UNC45B: variants seen among roughly 807,000 people sequenced by gnomAD.
UNC45B encodes the protein unc-45 myosin chaperone B, also known as protein unc-45 homolog B.
Under a neutral mutation model 98.7 loss-of-function variants are expected in UNC45B, and 78 were observed. That is an observed-to-expected ratio of 0.79 (90% CI 0.66 to 0.95). The LOEUF (loss-of-function observed/expected upper bound fraction) is 0.95. Among genes scored for constraint, UNC45B ranks in the 40% least tolerant of loss-of-function variants. The pLI is 0.00. For synonymous variants in UNC45B, 462 were observed against 480.4 expected, an observed-to-expected ratio of 0.96 and a Z score of 0.50; for missense variants, 1,225 against 1,184.9, an observed-to-expected ratio of 1.03 and a Z score of -0.50.
In UNC45B at chr17:35,154,757, T is replaced by C; in HGVS notation, c.639+16T>C. ...CCAAGCCAGAGTAAGTGCCCGGCTGTGGGGCATGTGGAGCAGACGACTGCT... is the reference window on the plus strand; with the variant it reads ...CCAAGCCAGAGTAAGTGCCCGGCTGCGGGGCATGTGGAGCAGACGACTGCT... On this transcript the variant is annotated intron_variant, in intron 6 of 19. Coordinates refer to ENST00000394570, the MANE Select transcript of UNC45B (RefSeq NM_001267052.2). 6.4e-7 allele frequency: 1 copy of C among 1,561,582 alleles called. No homozygotes were observed. The highest frequency in any genetic ancestry group is 8.6e-7 in the Non-Finnish European group (1 of 1,159,988).
At chr17:35,177,826 T>G (rs1355322894) in intron 17 of UNC45B, among the ~76,000 whole-genome samples, 5 of 150,640 alleles carry the variant, frequency 3.3e-5, no homozygotes, top group African/African-American at 1.2e-4. Flanking sequence ...TTTTCTTTCC[T>G]TTTCTTTTCT....
At chr17:35,173,089 G>T (rs2092199427) in intron 13 of UNC45B, among the ~76,000 whole-genome samples, 1 of 151,048 alleles carries the variant, frequency 6.6e-6, no homozygotes, top group East Asian at 2.0e-4. Flanking sequence ...AGAACACATT[G>T]CCACACGCAC....
Position 35,183,809 on chromosome 17 carries a change from G to A in UNC45B, c.2529+227G>A, listed in dbSNP as rs114578230. ...TGCTAGCTCAAACCCTCCCACTGGA[G>A]TTTCACCCATTACCTTTAGTGGTGC... On this transcript the variant is annotated intron_variant, in intron 19 of 19. Coordinates refer to ENST00000394570, the MANE Select transcript of UNC45B (RefSeq NM_001267052.2). 8.9e-3 allele frequency among the ~76,000 whole-genome samples: 1,356 copies of A among 152,330 alleles called. 25 individuals are homozygous for A. The highest frequency in any genetic ancestry group is 0.03 in the African/African-American group (1,259 of 41,586).
At chr17:35,162,099 T>C (rs1305775961) in intron 8 of UNC45B, among the ~76,000 whole-genome samples, 1 of 152,164 alleles carries the variant, frequency 6.6e-6, no homozygotes, top group Admixed American at 6.5e-5. Flanking sequence ...GTTTAAATAA[T>C]AAATTGGTAA....
Position 35,186,404 on chromosome 17 carries a change from G to A in UNC45B, c.2635G>A (p.Glu879Lys). ...CTACAACCTACTGGCAGCCGATGCT[G>A]AGCTGGCCAAGAAGCTGGTGGAGAG... is the stretch of plus-strand genomic sequence containing the variant. ...IAYNLLAADA[E>K]LAKKLVESEL... Residue 879 changes from glutamate to lysine, a missense_variant, in exon 20 of 20, where the codon GAG becomes AAG. Transcript: ENST00000394570. 6 of 1,614,236 alleles carry A rather than the reference G, an allele frequency of 3.7e-6. No homozygotes were observed. Among genetic ancestry groups the A allele is most frequent in the Non-Finnish European group, 5.1e-6 (6 of 1,180,040 alleles).
chr17:35,157,620 A>C (rs2092073123), intron 7 of UNC45B, among the ~76,000 whole-genome samples: 1 of 152,224 alleles, frequency 6.6e-6, no homozygotes, highest in African/African-American at 2.4e-5. Flanking sequence ...GAGAGGCTGC[A>C]TCAATTTATA....
chr17:35,181,204 A>T (rs918793185), intron 18 of UNC45B, among the ~76,000 whole-genome samples: 1 of 152,260 alleles, frequency 6.6e-6, no homozygotes, highest in Non-Finnish European at 1.5e-5. Context: ...TTATAAAAAT[A>T]AAATGAATTC....
At chr17:35,170,043 C>A in intron 11 of UNC45B, 71 bp from the exon 12 acceptor site, 1 of 1,602,046 alleles carries the variant, frequency 6.2e-7, no homozygotes. Context: ...TGGTTCACCA[C>A]CCTGAAATCG....
intron 9 of UNC45B, among the ~76,000 whole-genome samples, chr17:35,167,168 C>G (rs1015384406): frequency 1.3e-5 from 2 of 152,224 alleles, no homozygotes; most frequent in African/African-American, 2.4e-5. Context: ...GGGCATCACG[C>G]TAGGCCTTTT....
chr17:35,155,481 A>C lies in UNC45B; in HGVS notation c.808+17A>C, dbSNP rs751156782. 6.2e-7 allele frequency: 1 copy of C among 1,612,158 alleles called. No individual in the cohort carries two copies. Among genetic ancestry groups the C allele is most frequent in the Non-Finnish European group, 8.5e-7 (1 of 1,178,678 alleles). The stretch of plus-strand genomic sequence containing the variant: ...TGGTTCTAGGTAGGAAACATTCTTC[A>C]GTTTTGATTCAAGGGGATGGGGAAA... On this transcript the variant is annotated intron_variant, in intron 7 of 19. Transcript: ENST00000394570.
chr17:35,185,647 A>C (rs1221307411), intron 19 of UNC45B, among the ~76,000 whole-genome samples: 1 of 151,872 alleles, frequency 6.6e-6, no homozygotes, highest in East Asian at 1.9e-4. Context: ...CCCTGCATCC[A>C]CTTCTACTTG....
intron 17 of UNC45B, 95 bp downstream of exon 17, chr17:35,177,705 A>C (rs2092244997): frequency 1.0e-6 from 1 of 967,280 alleles, no homozygotes; most frequent in Non-Finnish European, 1.6e-6. Context: ...TCTTCTCTGA[A>C]GACAACACAA....
At position 35,186,617 on chromosome 17, in the gene UNC45B, T is replaced by C. The variant is rs769727112; in HGVS notation, c.*58T>C. 68 of 1,584,244 alleles carry C rather than the reference T, an allele frequency of 4.3e-5. No homozygotes were observed. The Middle Eastern group carries it at 6.7e-4, about 16-fold the overall frequency. ...TGTACTGTGCAGAGTCCTGGGTTGG[T>C]TGGGTTCTCCTGAAGAGTCAGGTCA... On this transcript the variant is annotated 3_prime_UTR_variant, in exon 20 of 20. Coordinates refer to ENST00000394570, the MANE Select transcript of UNC45B (RefSeq NM_001267052.2).
intron 13 of UNC45B, among the ~76,000 whole-genome samples, chr17:35,173,683 T>C (rs2092205580): frequency 6.6e-6 from 1 of 152,102 alleles, no homozygotes; most frequent in African/African-American, 2.4e-5. Context: ...AAGATCCTGG[T>C]GATTATATTG....
chr17:35,181,055 T>TA (rs1030158853), intron 18 of UNC45B, among the ~76,000 whole-genome samples: 7 of 151,710 alleles, frequency 4.6e-5, no homozygotes, highest in East Asian at 3.9e-4. Flanking sequence ...TCCACATATA[T>TA]AAAAAAAATG....
intron 10 of UNC45B, among the ~76,000 whole-genome samples, chr17:35,169,597 G>T (rs189883746): frequency 8.5e-5 from 13 of 152,250 alleles, no homozygotes; most frequent in Admixed American, 8.5e-4. Context: ...AATGGTGGGG[G>T]AAGGGGGCAG....
chr17:35,148,280 C>T lies in UNC45B; in HGVS notation c.17C>T (p.Ala6Val), dbSNP rs780353788. The T allele has an allele frequency of 5.6e-6, 9 of 1,614,096 alleles. No homozygotes were observed. Among genetic ancestry groups the T allele is most frequent in the Admixed American group, 3.3e-5 (2 of 60,022 alleles). ...TCCCAGCAGATGGCAGAGGTGGAAGCGGTACAGCTGAAGGAGGAAGGAAAC... is the reference window on the plus strand; with the variant it reads ...TCCCAGCAGATGGCAGAGGTGGAAGTGGTACAGCTGAAGGAGGAAGGAAAC... MAEVE[A>V]VQLKEEGNRH... Residue 6 changes from alanine (A) to valine (V), a missense_variant, in exon 2 of 20, where the codon GCG (alanine) becomes GTG (valine). Coordinates refer to ENST00000394570, the MANE Select transcript of UNC45B (RefSeq NM_001267052.2).
At chr17:35,169,730 A>T (rs1226552515) in intron 10 of UNC45B, 107 bp from the exon 11 acceptor site, 8 of 926,922 alleles carry the variant, frequency 8.6e-6, no homozygotes, top group African/African-American at 1.6e-5. Context: ...AAGCAAAGAA[A>T]GAGGGGCGAA....
chr17:35,164,002 G>A lies in UNC45B; in HGVS notation c.987G>A (p.Arg329=), dbSNP rs1427432870. ...RTIYVVDNGL[R]KILKVVGQVP... ...CCACTGTCTACCCTGCAGGTCTGAG[G>A]AAGATCCTGAAGGTTGTGGGGCAGG... The change falls in exon 9 of 20, where the codon AGG becomes AGA. Residue 329 remains arginine, a synonymous_variant. Coordinates refer to ENST00000394570, the MANE Select transcript of UNC45B (RefSeq NM_001267052.2). 13 of 1,612,530 alleles carry A rather than the reference G, an allele frequency of 8.1e-6. No individual in the cohort carries two copies. The highest frequency in any genetic ancestry group is 7.7e-5 in the South Asian group (7 of 90,842).
Sources: allele counts gnomAD v4.1 joint callset (sites outside exome capture counted in the v4.1 genomes callset), GRCh38; gene constraint gnomAD v4.1.1; transcripts MANE v1.5; gene names NCBI Gene and HGNC (gene_info 2026-07-23, HGNC 2026-07-21).